The following MED12L variants were observed in gnomAD, a reference collection of about 807,000 sequenced individuals.
MED12L encodes the protein mediator complex subunit 12L, also known as mediator of RNA polymerase II transcription subunit 12-like protein.
In MED12L, 60 loss-of-function variants were observed where a neutral mutation model predicts 281.3. That is an observed-to-expected ratio of 0.21 (90% confidence interval 0.17 to 0.26). The LOEUF (loss-of-function observed/expected upper bound fraction) is 0.26, where lower values mean the gene tolerates loss of function less well. Ranked by LOEUF, MED12L falls within the 10% of genes least tolerant of loss-of-function variation. The pLI is 1.00. For missense variants in MED12L, 2,146 were observed against 2,680.9 expected (o/e 0.80, Z 4.41); for synonymous variants, 974 against 987.2 (o/e 0.99, Z 0.25).
At chr3:151,417,653 A>T (rs966480772) in intron 43 of MED12L, among the ~76,000 whole-genome samples, 2 of 151,772 alleles carry the variant, frequency 1.3e-5, no homozygotes, top group Non-Finnish European at 2.9e-5. Flanking sequence ...ACCCAGCTAA[A>T]TTTTGTATTT....
At chr3:151,158,212 T>A (rs1429556487) in intron 6 of MED12L, among the ~76,000 whole-genome samples, 1 of 152,204 alleles carries the variant, frequency 6.6e-6, no homozygotes, top group Non-Finnish European at 1.5e-5. Context: ...AAGGTTGTAT[T>A]TTATAGATAG....
chr3:151,403,329 C>T (rs1219015518), intron 39 of MED12L, among the ~76,000 whole-genome samples: 4 of 151,976 alleles, frequency 2.6e-5, no homozygotes, highest in Admixed American at 2.6e-4. Context: ...CATCTCAGTC[C>T]CAGTTTTGAA....
chr3:151,431,563 T>G (rs780793439), intron 44 of MED12L, among the ~76,000 whole-genome samples: 3 of 152,232 alleles, frequency 2.0e-5, no homozygotes, highest in Non-Finnish European at 2.9e-5. Context: ...TTAATAGATC[T>G]GGTCTATTAA....
intron 11 of MED12L, among the ~76,000 whole-genome samples, chr3:151,180,665 T>C (rs1722600662): frequency 6.6e-6 from 1 of 152,220 alleles, no homozygotes; most frequent in South Asian, 2.1e-4. Context: ...TCTATGCATC[T>C]CTAGGTGAAG....
At chr3:151,234,704 G>A (rs1732367009) in intron 16 of MED12L, among the ~76,000 whole-genome samples, 1 of 152,206 alleles carries the variant, frequency 6.6e-6, no homozygotes, top group African/African-American at 2.4e-5. Flanking sequence ...CTCAGTTACT[G>A]TAATATCCAA....
At chr3:151,148,238 T>G (rs767274789) in intron 5 of MED12L, among the ~76,000 whole-genome samples, 20 of 152,340 alleles carry the variant, frequency 1.3e-4, no homozygotes, top group Middle Eastern at 6.8e-3. Flanking sequence ...TAGTTCATCA[T>G]GTATTCTAGA....
At position 151,435,388 on chromosome 3, in the gene MED12L, G is replaced by GTATC. The variant is rs1560164363; in HGVS notation, c.*2586_*2587insTCTA. On this transcript the variant is annotated 3_prime_UTR_variant, in exon 45 of 45. Transcript: ENST00000687756. Reference sequence around the variant, plus strand: ...GCCTGGAAGTAGAGGAGATCAATGCGTAGCTTTGACCACTTCCAGCCACAG... The same window carrying GTATC: ...GCCTGGAAGTAGAGGAGATCAATGCGTATCTAGCTTTGACCACTTCCAGCCACAG... 2 of 139,540 alleles carry GTATC rather than the reference G, an allele frequency of 1.4e-5. No individual in the cohort carries two copies. The highest frequency in any genetic ancestry group is 5.4e-5 in the African/African-American group (2 of 36,890). 8.6% of individuals were successfully genotyped at this position (139,540 alleles called of 1,614,324 possible).
At position 151,328,322 on chromosome 3, in the gene MED12L, T is replaced by C. The variant is rs777980296; in HGVS notation, c.2251-21737T>C. The C allele has an allele frequency of 8.7e-5, 140 of 1,613,496 alleles. 1 individual carries two copies. Among genetic ancestry groups the C allele is most frequent in the Non-Finnish European group, 1.2e-4 (136 of 1,179,744 alleles). ...CAGCTTTTTGTTGTTTTTTCTGTCCTTACTTTTGGACTTTCTATAAGAATC... is the reference window on the plus strand; with the variant it reads ...CAGCTTTTTGTTGTTTTTTCTGTCCCTACTTTTGGACTTTCTATAAGAATC... On this transcript the variant is annotated intron_variant, in intron 16 of 44. Transcript: ENST00000687756.
intron 16 of MED12L, among the ~76,000 whole-genome samples, chr3:151,239,802 T>C (rs1211614902): frequency 6.6e-6 from 1 of 152,166 alleles, no homozygotes; most frequent in African/African-American, 2.4e-5. Flanking sequence ...GCACTCCAGC[T>C]CTTAAGCTAT....
chr3:151,136,545 C>G (rs966687312), intron 5 of MED12L, among the ~76,000 whole-genome samples: 1 of 152,172 alleles, frequency 6.6e-6, no homozygotes, highest in African/African-American at 2.4e-5. Context: ...CTCTGGCTAT[C>G]TGGTAAAAAC....
At chr3:151,286,787 C>A (rs1269273956) in intron 16 of MED12L, among the ~76,000 whole-genome samples, 1 of 152,188 alleles carries the variant, frequency 6.6e-6, no homozygotes, top group Non-Finnish European at 1.5e-5. Flanking sequence ...AACACTTTCA[C>A]TCTCAAAAGT....
chr3:151,155,872 A>G (rs901509317), intron 5 of MED12L, among the ~76,000 whole-genome samples: 1 of 152,174 alleles, frequency 6.6e-6, no homozygotes, highest in African/African-American at 2.4e-5. Flanking sequence ...GAGAGTGAAC[A>G]TCTCTTCTCC....
At chr3:151,343,232 A>G (rs1212073552) in intron 16 of MED12L, among the ~76,000 whole-genome samples, 2 of 152,302 alleles carry the variant, frequency 1.3e-5, no homozygotes, top group East Asian at 1.9e-4. Flanking sequence ...ATCAAATGAA[A>G]CAAGGCTTAT....
Position 151,416,355 on chromosome 3 carries a change from C to T in MED12L, c.6341C>T (p.Pro2114Leu), listed in dbSNP as rs751224061. ...CCCCAGCCCCAGCAGCCTCCCCAGC[C>T]CCAGCAGTCCTCGCAGTCCCAGAGT... ...QQPQPQQPPQ[P>L]QQSSQSQSQT... Residue 2114 changes from proline to leucine, a missense_variant, in exon 43 of 45, where the codon CCC (proline) becomes CTC (leucine). Pro to Leu is a moderately conservative substitution (Grantham distance 98, BLOSUM62 -3). Transcript: ENST00000687756. The T allele has an allele frequency of 1.2e-6, 2 of 1,611,574 alleles. No homozygotes were observed. Among genetic ancestry groups the T allele is most frequent in the Admixed American group, 3.3e-5 (2 of 59,892 alleles).
chr3:151,270,162 TA>T (rs1366233599), intron 16 of MED12L: 1 of 208,376 alleles, frequency 4.8e-6, no homozygotes, highest in Non-Finnish European at 9.4e-6. Flanking sequence ...CCAACCTTTT[TA>T]AAAATTTTCT....
In MED12L at chr3:151,160,003, C is replaced by G. The variant is rs199955970; in HGVS notation, c.1009C>G (p.Pro337Ala). 2.0e-5 allele frequency: 33 copies of G among 1,614,158 alleles called. No homozygotes were observed. Among genetic ancestry groups the G allele is most frequent in the Admixed American group, 3.3e-5 (2 of 60,034 alleles). The stretch of plus-strand genomic sequence containing the variant: ...TATCGGGGCCCCCAGCCCTGGCCCC[C>G]CCGGCCCTGGCATGAGCCCCGTGCA... Reference protein sequence around the residue: ...SSIGAPSPGPPGPGMSPVQLA... With the variant: ...SSIGAPSPGPAGPGMSPVQLA... Residue 337 changes from proline (P) to alanine (A), a missense_variant, in exon 8 of 45, where the codon CCC becomes GCC. Physicochemically the swap from Pro to Ala is conservative, Grantham distance 27. Transcript: ENST00000687756.
At chr3:151,200,547 C>G (rs1399229086) in intron 16 of MED12L, among the ~76,000 whole-genome samples, 2 of 152,202 alleles carry the variant, frequency 1.3e-5, no homozygotes, top group Non-Finnish European at 2.9e-5. Flanking sequence ...AATAAAACTT[C>G]TGACATCTTT....
Position 151,368,139 on chromosome 3 carries a change from C to G in MED12L, c.3449-11C>G. 1 of 1,611,940 alleles carries G rather than the reference C, an allele frequency of 6.2e-7. No individual in the cohort carries two copies. The highest frequency in any genetic ancestry group is 8.5e-7 in the Non-Finnish European group (1 of 1,178,134). The stretch of plus-strand genomic sequence containing the variant: ...GTTAGAAAACTTGCTTTTCCAATCC[C>G]CCTTTCCTAGCTTGTGGGGATGCGG... On this transcript the variant is annotated splice_polypyrimidine_tract_variant and intron_variant, in intron 24 of 44. Transcript: ENST00000687756.
intron 5 of MED12L, among the ~76,000 whole-genome samples, chr3:151,144,459 A>G (rs1717492447): frequency 6.6e-6 from 1 of 152,142 alleles, no homozygotes. Context: ...TTGCAGTACA[A>G]GACTTTTGTG....
Sources: allele counts gnomAD v4.1 joint callset (sites outside exome capture counted in the v4.1 genomes callset), GRCh38; gene constraint gnomAD v4.1.1; transcripts MANE v1.5; gene names NCBI Gene and HGNC (gene_info 2026-07-23, HGNC 2026-07-21).